The following TMPRSS9 variants were observed in gnomAD, a reference collection of about 807,000 sequenced individuals.
TMPRSS9 encodes transmembrane serine protease 9.
In TMPRSS9, 113 loss-of-function variants were observed where a neutral mutation model predicts 111.4. The ratio of observed to expected loss-of-function variants is 1.01; its 90% CI spans 0.87 to 1.19. TMPRSS9 has a LOEUF of 1.19. Among genes scored for constraint, TMPRSS9 ranks in the 50% most tolerant of loss-of-function variants. TMPRSS9 has a pLI of 0.00. For missense variants in TMPRSS9, 1,803 were observed against 1,513.1 expected (o/e 1.19, Z -3.18); for synonymous variants, 805 against 659.1 (o/e 1.22, Z -3.39).
intron 1 of TMPRSS9, among the ~76,000 whole-genome samples, chr19:2,362,074 T>C (rs1031017897): frequency 9.9e-5 from 15 of 151,978 alleles, no homozygotes; most frequent in Admixed American, 9.2e-4. Flanking sequence ...CATATGGCCA[T>C]GTGATTTGTG....
chr19:2,424,079 T>C lies in TMPRSS9; in HGVS notation c.2549-10T>C. The C allele has an allele frequency of 7.9e-7, 1 of 1,264,824 alleles. No homozygotes were observed. The highest frequency in any genetic ancestry group is 2.7e-5 in the South Asian group (1 of 36,502). The allele number at this position is 1,264,824 out of a possible 1,614,324, so 78.4% of individuals were successfully genotyped here. On this transcript the variant is annotated splice_polypyrimidine_tract_variant and intron_variant, in intron 14 of 17. Transcript: ENST00000648592. The stretch of plus-strand genomic sequence containing the variant: ...GGGTCCGCCTGCCCACGCGCCTGGC[T>C]CCCCCGCAGACTGTGGCCTGGCGCC...
chr19:2,409,295 C>T (rs1359448870), intron 8 of TMPRSS9, among the ~76,000 whole-genome samples: 1 of 151,504 alleles, frequency 6.6e-6, no homozygotes, highest in Admixed American at 6.6e-5. Flanking sequence ...TGCACCACCA[C>T]ACCCGGCAAC....
chr19:2,409,145 T>C (rs1971043737), intron 8 of TMPRSS9, among the ~76,000 whole-genome samples: 1 of 149,184 alleles, frequency 6.7e-6, no homozygotes, highest in Admixed American at 6.7e-5. Flanking sequence ...TGCGATTTTT[T>C]TTTTTTTTTT....
chr19:2,395,887 A>G (rs1171270565), intron 1 of TMPRSS9, among the ~76,000 whole-genome samples: 2 of 151,924 alleles, frequency 1.3e-5, no homozygotes, highest in South Asian at 2.1e-4. Flanking sequence ...GGGTGCCTGT[A>G]GTCCCAGCTA....
chr19:2,415,218 A>G (rs764984574), intron 10 of TMPRSS9, among the ~76,000 whole-genome samples: 8 of 152,020 alleles, frequency 5.3e-5, no homozygotes, highest in Non-Finnish European at 8.8e-5. Context: ...GTGCTGGGAT[A>G]ACAGGCATGA....
intron 6 of TMPRSS9, among the ~76,000 whole-genome samples, chr19:2,404,939 A>G (rs1014993900): frequency 1.1e-3 from 164 of 152,096 alleles, no homozygotes; most frequent in African/African-American, 3.5e-3. Flanking sequence ...CTCAAAAAAA[A>G]AAAAAAAAAA....
At chr19:2,424,855 G>A in intron 15 of TMPRSS9, 147 bp from the exon 17 acceptor site, 1 of 1,035,482 alleles carries the variant, frequency 9.7e-7, no homozygotes, top group Non-Finnish European at 1.3e-6. Context: ...TGATGGGGGA[G>A]ACTGAGCCCA....
At chr19:2,368,943 C>A (rs546885464) in intron 1 of TMPRSS9, among the ~76,000 whole-genome samples, 16 of 146,238 alleles carry the variant, frequency 1.1e-4, no homozygotes, top group Middle Eastern at 7.2e-3. Context: ...CGCCACCATG[C>A]CCGGCTAATT....
At chr19:2,402,538 G>A (rs200563224) in intron 5 of TMPRSS9, among the ~76,000 whole-genome samples, 1 of 151,948 alleles carries the variant, frequency 6.6e-6, no homozygotes, top group Non-Finnish European at 1.5e-5. Context: ...TCAGGAGTTC[G>A]AGACCAGCCT....
At chr19:2,366,446 A>C (rs1367528966) in intron 1 of TMPRSS9, among the ~76,000 whole-genome samples, 1 of 152,194 alleles carries the variant, frequency 6.6e-6, no homozygotes, top group Non-Finnish European at 1.5e-5. Flanking sequence ...ATGTCTCTCA[A>C]ATTTAGCCAA....
chr19:2,415,868 T>G lies in TMPRSS9; in HGVS notation c.1745+27T>G. The stretch of plus-strand genomic sequence containing the variant: ...TAAGGCCCGCCTCCTCCAGGAAGGC[T>G]GCCCGGCTTCCCCTCCTCACCAGCC... On this transcript the variant is annotated intron_variant, in intron 11 of 17. Transcript: ENST00000648592. 3.2e-6 allele frequency: 5 copies of G among 1,547,022 alleles called. No individual in the cohort carries two copies. The Admixed American group carries it at 9.1e-5, about 28-fold the overall frequency.
chr19:2,398,468 A>G (rs1333264009), intron 2 of TMPRSS9, among the ~76,000 whole-genome samples: 1 of 151,178 alleles, frequency 6.6e-6, no homozygotes, highest in Admixed American at 6.6e-5. Context: ...AATACAAAAA[A>G]TTAGTTGGGC....
At chr19:2,408,419 C>T in exon 8 of TMPRSS9, 1 of 1,613,810 alleles carries the variant, frequency 6.2e-7, no homozygotes, top group Non-Finnish European at 8.5e-7. Context: ...GCTCGGAGGC[C>T]AGCACCGTGC....
chr19:2,424,926 C>A, intron 15 of TMPRSS9, 76 bp from the exon 17 acceptor site: 1 of 1,360,702 alleles, frequency 7.3e-7, no homozygotes, highest in Non-Finnish European at 9.4e-7. Flanking sequence ...GCCAGCCGGC[C>A]GCTGGGGGAC....
chr19:2,382,654 CAT>C (rs1210288615), intron 1 of TMPRSS9, among the ~76,000 whole-genome samples: 2 of 146,020 alleles, frequency 1.4e-5, no homozygotes, highest in African/African-American at 2.5e-5. Flanking sequence ...CACATGCACA[CAT>C]ACACACATGC....
rs1568169166 is a variant in TMPRSS9, at chr19:2,374,399, C to CTGTTTCTACTAAAAATA, written c.-26+14039_-26+14040insTGTTTCTACTAAAAATA. Reference sequence around the variant, plus strand: ...ACCACCCTGACCAATATGGTGAAACCCCGTCTCTACTAAAAAATACAAAAA... The same window carrying CTGTTTCTACTAAAAATA: ...ACCACCCTGACCAATATGGTGAAACCTGTTTCTACTAAAAATACCGTCTCTACTAAAAAATACAAAAA... On this transcript the variant is annotated intron_variant, in intron 1 of 17. Transcript: ENST00000649857. Among the ~76,000 whole-genome samples the CTGTTTCTACTAAAAATA allele has an allele frequency of 2.0e-5, 3 of 150,554 alleles. No homozygotes were observed. In the East Asian group the frequency reaches 5.9e-4, roughly 29 times the overall value.
intron 1 of TMPRSS9, among the ~76,000 whole-genome samples, chr19:2,380,435 A>G (rs182196185): frequency 1.7e-3 from 264 of 151,854 alleles, no homozygotes; most frequent in African/African-American, 6.2e-3. Flanking sequence ...GTCTCTACTA[A>G]AAATAAAAAA....
chr19:2,403,982 A>G (rs1295171868), intron 6 of TMPRSS9, among the ~76,000 whole-genome samples: 17 of 134,908 alleles, frequency 1.3e-4, no homozygotes, highest in African/African-American at 5.0e-4. Flanking sequence ...ACAGAGCGAG[A>G]CTCTGTCTCA....
intron 4 of TMPRSS9, among the ~76,000 whole-genome samples, chr19:2,400,826 T>G (rs1442823902): frequency 6.8e-6 from 1 of 148,038 alleles, no homozygotes; most frequent in Non-Finnish European, 1.5e-5. Flanking sequence ...ATAAAAAAAT[T>G]AGCCGGGCAT....
Sources: gnomAD v4.1 joint callset for allele counts (sites outside exome capture counted in the v4.1 genomes callset) on GRCh38, gnomAD v4.1.1 for gene constraint, MANE v1.5 for transcripts, NCBI Gene and HGNC (gene_info 2026-07-23, HGNC 2026-07-21) for gene names.